Variants in METTL15 observed in about 807,000 individuals in gnomAD.
METTL15 encodes the protein methyltransferase 15, mitochondrial 12S rRNA N4-cytidine.
METTL15 carries 34 observed loss-of-function variants against 38.3 expected under a neutral mutation model. That is an observed-to-expected ratio of 0.89 (90% CI 0.68 to 1.18). The LOEUF (loss-of-function observed/expected upper bound fraction) is 1.18. Among genes scored for constraint, METTL15 ranks in the 50% most tolerant of loss-of-function variants. METTL15 has a pLI of 0.00. For synonymous variants in METTL15, 162 were observed against 170.9 expected (o/e 0.95, Z 0.41); for missense variants, 438 against 498.4 (o/e 0.88, Z 1.15).
At chr11:28,120,646 C>T (rs1428983060) in intron 3 of METTL15, among the ~76,000 whole-genome samples, 2 of 152,092 alleles carry the variant, frequency 1.3e-5, no homozygotes, top group Non-Finnish European at 2.9e-5. Flanking sequence ...CTGTTTCCCT[C>T]TTCTTGAATT....
intron 6 of METTL15, among the ~76,000 whole-genome samples, chr11:28,324,098 T>A (rs919486635): frequency 2.0e-5 from 3 of 152,244 alleles, no homozygotes; most frequent in Non-Finnish European, 4.4e-5. Flanking sequence ...AATTTCCTTT[T>A]GTAGTCAGTT....
chr11:28,414,631 A>G (rs1850757860), intron 5 of METTL15, among the ~76,000 whole-genome samples: 1 of 152,144 alleles, frequency 6.6e-6, no homozygotes, highest in Non-Finnish European at 1.5e-5. Context: ...TACAATGTCA[A>G]TTTTTTGTTT....
At chr11:28,482,734 A>G (rs1428021726) in intron 6 of METTL15, among the ~76,000 whole-genome samples, 1 of 152,202 alleles carries the variant, frequency 6.6e-6, no homozygotes, top group Non-Finnish European at 1.5e-5. Flanking sequence ...GGAGCTTGCT[A>G]GAAATGCAAA....
intron 3 of METTL15, among the ~76,000 whole-genome samples, chr11:28,122,369 GTGTA>G (rs1187477234): frequency 2.2e-4 from 13 of 59,378 alleles, no homozygotes; most frequent in African/African-American, 4.2e-4. Flanking sequence ...GTGTGTGTGT[GTGTA>G]TATATATATA....
chr11:28,249,882 C>G (rs1854664964), intron 4 of METTL15, among the ~76,000 whole-genome samples: 1 of 152,010 alleles, frequency 6.6e-6, no homozygotes, highest in African/African-American at 2.4e-5. Flanking sequence ...TCCTCCTACC[C>G]TCCACCCTCA....
At chr11:28,147,307 G>A (rs1398942791) in intron 3 of METTL15, among the ~76,000 whole-genome samples, 1 of 151,692 alleles carries the variant, frequency 6.6e-6, no homozygotes, top group East Asian at 1.9e-4. Context: ...AGATTCAGGC[G>A]TTATGCTAAA....
intron 3 of METTL15, among the ~76,000 whole-genome samples, chr11:28,192,193 A>G (rs1851723723): frequency 6.6e-6 from 1 of 151,900 alleles, no homozygotes. Flanking sequence ...TGCATTATGA[A>G]TGCAGAATTA....
intron 3 of METTL15, among the ~76,000 whole-genome samples, chr11:28,183,209 A>C (rs369816966): frequency 1.3e-5 from 2 of 152,104 alleles, no homozygotes; most frequent in East Asian, 3.9e-4. Context: ...GCAAACAGAG[A>C]CAACATGACT....
At chr11:28,398,104 G>A (rs1049469854) in intron 5 of METTL15, among the ~76,000 whole-genome samples, 1 of 151,908 alleles carries the variant, frequency 6.6e-6, no homozygotes, top group Admixed American at 6.6e-5. Flanking sequence ...GGGGGGAGGT[G>A]GGAAGGATAG....
At chr11:28,337,755 G>T (rs1849914658), downstream of METTL15, among the ~76,000 whole-genome samples, 1 of 151,888 alleles carries the variant, frequency 6.6e-6, no homozygotes, top group Non-Finnish European at 1.5e-5. Context: ...TATTACAATT[G>T]CCTACATTAT....
chr11:28,238,247 G>C lies in METTL15; in HGVS notation c.407+27049G>C, dbSNP rs1039080621. On this transcript the variant is annotated intron_variant, in intron 4 of 6. Transcript: ENST00000407364. Reference sequence around the variant, plus strand: ...AGGCAGGCAGGCCTCCTTGAGCTGTGGTGGGCTCCACCCAGTGCGAGCTTC... The same window carrying C: ...AGGCAGGCAGGCCTCCTTGAGCTGTCGTGGGCTCCACCCAGTGCGAGCTTC... Among the ~76,000 whole-genome samples, 5 of 152,190 alleles carry C rather than the reference G, an allele frequency of 3.3e-5. No homozygotes were observed. The East Asian group carries it at 9.7e-4, about 29-fold the overall frequency.
chr11:28,418,815 A>G (rs1458858709), intron 5 of METTL15, among the ~76,000 whole-genome samples: 1 of 152,206 alleles, frequency 6.6e-6, no homozygotes, highest in Admixed American at 6.5e-5. Context: ...ATTGGAACTC[A>G]GTGCTGCCAA....
Position 28,367,186 on chromosome 11 carries a change from G to T in METTL15, c.*358+5150G>T, listed in dbSNP as rs187824364. On this transcript the variant is annotated intron_variant and NMD_transcript_variant, in intron 5 of 7. Transcript: ENST00000532947. ...GACAGGGAACTGGCATACTTTAGAT[G>T]TCTAGGAGCCACTGAGAAAAAAAAA... Among the ~76,000 whole-genome samples the T allele has an allele frequency of 4.8e-5, 7 of 146,564 alleles. No individual in the cohort carries two copies. In the East Asian group the frequency reaches 1.4e-3, roughly 29 times the overall value.
intron 5 of METTL15, among the ~76,000 whole-genome samples, chr11:28,385,434 C>G (rs879690690): frequency 1.3e-4 from 19 of 151,938 alleles, no homozygotes; most frequent in Admixed American, 2.6e-4. Flanking sequence ...TCAGCTTTGT[C>G]AAAGATTAGA....
At chr11:28,109,622 A>C (rs1051833094) in intron 1 of METTL15, among the ~76,000 whole-genome samples, 2 of 152,250 alleles carry the variant, frequency 1.3e-5, no homozygotes, top group Non-Finnish European at 1.5e-5. Context: ...CATTAAGAGA[A>C]TATCTTAATC....
intron 6 of METTL15, among the ~76,000 whole-genome samples, chr11:28,446,649 A>G (rs1054493411): frequency 2.0e-5 from 3 of 152,120 alleles, no homozygotes; most frequent in Non-Finnish European, 2.9e-5. Flanking sequence ...AACTCATTTC[A>G]TTTTAGCATT....
chr11:28,415,834 A>C (rs1007894211), intron 5 of METTL15, among the ~76,000 whole-genome samples: 1 of 152,194 alleles, frequency 6.6e-6, no homozygotes, highest in Non-Finnish European at 1.5e-5. Flanking sequence ...AATCCATGTT[A>C]GGTAGCTTAG....
downstream of METTL15, among the ~76,000 whole-genome samples, chr11:28,531,108 CA>C (rs1288777048): frequency 5.3e-5 from 8 of 151,926 alleles, no homozygotes; most frequent in East Asian, 1.4e-3. Flanking sequence ...GTGTTTGCTT[CA>C]AGCAGAAAAG....
At chr11:28,483,043 A>C (rs567670456) in intron 6 of METTL15, among the ~76,000 whole-genome samples, 1 of 152,274 alleles carries the variant, frequency 6.6e-6, no homozygotes, top group Admixed American at 6.5e-5. Flanking sequence ...ACATGAAAAA[A>C]AAAAATGCTG....
Sources: allele counts gnomAD v4.1 joint callset (sites outside exome capture counted in the v4.1 genomes callset), GRCh38; gene constraint gnomAD v4.1.1; transcripts MANE v1.5; gene names NCBI Gene and HGNC (gene_info 2026-07-23, HGNC 2026-07-21).